TRHDE: variants seen among roughly 807,000 people sequenced by gnomAD.
TRHDE encodes thyrotropin releasing hormone degrading enzyme, also known as thyrotropin-releasing hormone-degrading ectoenzyme.
TRHDE carries 72 observed loss-of-function variants against 125.7 expected under a neutral mutation model. The ratio of observed to expected loss-of-function variants is 0.57; its 90% CI spans 0.47 to 0.70. The LOEUF (loss-of-function observed/expected upper bound fraction) is 0.70, where lower values mean the gene tolerates loss of function less well. Ranked by LOEUF, TRHDE falls within the 30% of genes least tolerant of loss-of-function variation. The probability of loss-of-function intolerance (pLI) is 0.00; values close to 1 mark genes in which losing one functional copy is unlikely to be tolerated. For missense variants in TRHDE, 1,110 were observed against 1,327.1 expected (o/e 0.84, Z 2.54); for synonymous variants, 509 against 509.1 (o/e 1.00, Z 0.00).
At position 72,292,130 on chromosome 12, in the gene TRHDE, T is replaced by C. The variant is rs183936632; in HGVS notation, c.1188+5176T>C. On this transcript the variant is annotated intron_variant, in intron 2 of 18. Transcript: ENST00000261180. ...ATAAAAATTCTTAGATGCTCTTTTA[T>C]TTAACAGGCTTTATGAGGCATGCCC... Among the ~76,000 whole-genome samples the C allele has an allele frequency of 9.8e-4, 150 of 152,366 alleles. 3 individuals carry two copies. The highest frequency in any genetic ancestry group is 2.5e-3 in the Admixed American group (39 of 15,308).
chr12:72,536,675 C>T (rs1868876387), intron 6 of TRHDE, among the ~76,000 whole-genome samples: 1 of 152,004 alleles, frequency 6.6e-6, no homozygotes, highest in South Asian at 2.1e-4. Context: ...GCTGCCACAT[C>T]CACATACAGT....
chr12:72,307,489 A>G (rs1024888998), intron 2 of TRHDE, among the ~76,000 whole-genome samples: 20 of 151,998 alleles, frequency 1.3e-4, no homozygotes, highest in African/African-American at 4.1e-4. Flanking sequence ...TTTCAAAAGA[A>G]TCTCTTTGGC....
At chr12:72,163,845 C>T (rs1026290164) in intron 2 of TRHDE, among the ~76,000 whole-genome samples, 2 of 152,210 alleles carry the variant, frequency 1.3e-5, no homozygotes, top group Non-Finnish European at 2.9e-5. Flanking sequence ...AGCGCGGTGG[C>T]TCATCCCTGT....
intron 15 of TRHDE, among the ~76,000 whole-genome samples, chr12:72,630,784 C>A (rs1873461040): frequency 6.7e-6 from 1 of 150,050 alleles, no homozygotes; most frequent in Non-Finnish European, 1.5e-5. Flanking sequence ...TTATAATCAT[C>A]AGCCATTATA....
chr12:72,546,136 C>A (rs1033912454), intron 7 of TRHDE, among the ~76,000 whole-genome samples: 2 of 151,592 alleles, frequency 1.3e-5, no homozygotes, highest in African/African-American at 4.8e-5. Flanking sequence ...CTTGTCAATA[C>A]CCTAACTCTC....
intron 6 of TRHDE, among the ~76,000 whole-genome samples, chr12:72,535,006 G>T (rs1398116762): frequency 6.6e-6 from 1 of 151,872 alleles, no homozygotes; most frequent in African/African-American, 2.4e-5. Flanking sequence ...TACTACCACA[G>T]GACTTTTTTT....
chr12:72,354,406 G>A (rs1469745042), intron 2 of TRHDE, among the ~76,000 whole-genome samples: 1 of 151,390 alleles, frequency 6.6e-6, no homozygotes, highest in African/African-American at 2.4e-5. Flanking sequence ...AACTTTCACA[G>A]ACCACTGGTA....
intron 3 of TRHDE, among the ~76,000 whole-genome samples, chr12:72,460,145 C>T (rs934432559): frequency 6.6e-6 from 1 of 152,146 alleles, no homozygotes; most frequent in Non-Finnish European, 1.5e-5. Flanking sequence ...AAGTGTGGAA[C>T]AAAAAGCAGT....
chr12:72,349,183 C>A (rs1565708267), intron 2 of TRHDE, among the ~76,000 whole-genome samples: 1 of 152,114 alleles, frequency 6.6e-6, no homozygotes, highest in Admixed American at 6.6e-5. Context: ...TGCCATTTTT[C>A]CTATGAATAT....
rs202197700 is a variant in TRHDE at position 72,319,857 on chromosome 12, G to GT, written c.1188+32912dup. On this transcript the variant is annotated intron_variant, in intron 2 of 18. Transcript: ENST00000261180. ...ATGTTTCCTAGAAATCAATAACATG[G>GT]TTTTTTTTTCTGGACATAATTGAAT... 6.2e-3 allele frequency among the ~76,000 whole-genome samples: 935 copies of GT among 150,726 alleles called. 11 individuals carry two copies. Among genetic ancestry groups the GT allele is most frequent in the African/African-American group, 0.021 (873 of 41,138 alleles).
chr12:72,237,008 C>G (rs184055560), intron 2 of TRHDE, among the ~76,000 whole-genome samples: 2 of 152,074 alleles, frequency 1.3e-5, no homozygotes, highest in Non-Finnish European at 2.9e-5. Flanking sequence ...TTTTATGTCT[C>G]TCTCCTCTTT....
At chr12:72,464,257 A>G (rs1456829375) in intron 3 of TRHDE, among the ~76,000 whole-genome samples, 1 of 152,196 alleles carries the variant, frequency 6.6e-6, no homozygotes, top group Non-Finnish European at 1.5e-5. Context: ...TAAGTAGTAG[A>G]GTAAGTGTCT....
At chr12:72,393,936 T>C (rs1872696999) in intron 3 of TRHDE, among the ~76,000 whole-genome samples, 1 of 152,228 alleles carries the variant, frequency 6.6e-6, no homozygotes, top group Non-Finnish European at 1.5e-5. Context: ...ATGCATTTTC[T>C]TTCTGCAATC....
intron 2 of TRHDE, among the ~76,000 whole-genome samples, chr12:72,231,916 C>T (rs1177612998): frequency 6.6e-6 from 1 of 152,162 alleles, no homozygotes; most frequent in Admixed American, 6.6e-5. Context: ...CTTTTAGTTA[C>T]AGCAGACCCA....
intron 2 of TRHDE, among the ~76,000 whole-genome samples, chr12:72,210,404 A>G (rs1877757179): frequency 6.6e-6 from 1 of 152,142 alleles, no homozygotes; most frequent in Admixed American, 6.5e-5. Flanking sequence ...TGCCCTGCAG[A>G]TTAAGCTCAG....
intron 18 of TRHDE, 137 bp downstream of exon 18, chr12:72,657,145 C>T (rs575175279): frequency 6.0e-5 from 36 of 598,682 alleles, no homozygotes; most frequent in Middle Eastern, 9.3e-4. Context: ...CACACACACA[C>T]GTTAAAGACT....
At chr12:72,387,239 C>G (rs1372083793) in intron 3 of TRHDE, among the ~76,000 whole-genome samples, 1 of 152,124 alleles carries the variant, frequency 6.6e-6, no homozygotes. Flanking sequence ...AAATCTTGGC[C>G]TTAGATACTT....
intron 6 of TRHDE, among the ~76,000 whole-genome samples, chr12:72,524,932 T>A (rs1009048791): frequency 2.0e-5 from 3 of 152,184 alleles, no homozygotes; most frequent in African/African-American, 7.2e-5. Flanking sequence ...TATGGTTATG[T>A]CTAGTGAATC....
At chr12:72,546,383 G>T (rs1285616667) in intron 7 of TRHDE, among the ~76,000 whole-genome samples, 2 of 151,572 alleles carry the variant, frequency 1.3e-5, no homozygotes, top group African/African-American at 4.8e-5. Context: ...AAATAGCCAA[G>T]CCTCTCAAAG....
Sources: gnomAD v4.1 joint callset for allele counts (sites outside exome capture counted in the v4.1 genomes callset) on GRCh38, gnomAD v4.1.1 for gene constraint, MANE v1.5 for transcripts, NCBI Gene and HGNC (gene_info 2026-07-23, HGNC 2026-07-21) for gene names.